FAM43B: variants seen among roughly 807,000 people sequenced by gnomAD.
FAM43B encodes the protein protein FAM43B.
A neutral mutation model predicts 20.1 loss-of-function variants in FAM43B; 17 were observed. The observed-to-expected ratio is 0.84, with a 90% confidence interval of 0.58 to 1.27. The LOEUF (loss-of-function observed/expected upper bound fraction) is 1.27. Among genes scored for constraint, FAM43B ranks in the 50% most tolerant of loss-of-function variants. The probability of loss-of-function intolerance (pLI) is 0.00; values close to 1 mark genes in which losing one functional copy is unlikely to be tolerated. For missense variants in FAM43B, 512 were observed against 516.7 expected (o/e 0.99, Z 0.09); for synonymous variants, 208 against 238.5 (o/e 0.87, Z 1.18).
chr1:20,553,469 C>A lies in FAM43B; in HGVS notation c.496C>A (p.Gln166Lys). The change falls in exon 1 of 1, where the codon CAG becomes AAG. Residue 166 changes from glutamine (Q) to lysine (K), a missense_variant. Physicochemically the swap from Gln to Lys is moderately conservative, Grantham distance 53. Coordinates refer to ENST00000332947, the MANE Select transcript of FAM43B (RefSeq NM_207334.3). The surrounding 1 kb of genome is among the most constrained non-coding windows in gnomAD (Gnocchi z 6.5). The part of the protein sequence containing the change: ...PRVFAWVYRH[Q>K]ARHKAVVLRC... Reference sequence around the variant, plus strand: ...CGTCTTCGCCTGGGTCTACCGCCACCAGGCGCGCCACAAGGCCGTGGTGCT... The same window carrying A: ...CGTCTTCGCCTGGGTCTACCGCCACAAGGCGCGCCACAAGGCCGTGGTGCT... 2.8e-6 allele frequency: 4 copies of A among 1,410,098 alleles called. No homozygotes were observed. Among genetic ancestry groups the A allele is most frequent in the South Asian group, 1.5e-5 (1 of 64,644 alleles). The allele number at this position is 1,410,098 out of a possible 1,614,324, so 87.3% of individuals were successfully genotyped here. A position where few individuals can be genotyped will look rare whatever the true frequency, so the allele number is the denominator to read the frequency against.
Position 20,554,248 on chromosome 1 carries a change from T to G in FAM43B, c.*285T>G. On this transcript the variant is annotated 3_prime_UTR_variant, in exon 1 of 1. Transcript: ENST00000332947. ...TCTCTTTGCCCACAGACCTCCTCAT[T>G]CCCTCCCAAAACATCCTCTCAAGAG... 4.2e-6 allele frequency: 1 copy of G among 239,388 alleles called. No individual in the cohort carries two copies. The highest frequency in any genetic ancestry group is 1.5e-3 in the Middle Eastern group (1 of 676). The allele number at this position is 239,388 out of a possible 1,614,324, so 14.8% of individuals were successfully genotyped here. A position where few individuals can be genotyped will look rare whatever the true frequency, so the allele number is the denominator to read the frequency against.
In FAM43B at chr1:20,553,210, C is replaced by T. The variant is rs1377707242; in HGVS notation, c.237C>T (p.Asn79=). Residue 79 remains asparagine (N), a synonymous_variant, in exon 1 of 1, where the codon AAC becomes AAT. Coordinates refer to ENST00000332947, the MANE Select transcript of FAM43B (RefSeq NM_207334.3). The surrounding 1 kb of genome is among the most constrained non-coding windows in gnomAD (Gnocchi z 6.5). ...CCTACACCGTGTGGTACCTGGGCAA[C>T]GCCGTCACCCTGCACGCCAAGGGCG... ...DPTYTVWYLG[N]AVTLHAKGDG... is the part of the protein sequence containing the mutation. 6.2e-7 allele frequency: 1 copy of T among 1,613,462 alleles called. No homozygotes were observed. The highest frequency in any genetic ancestry group is 8.5e-7 in the Non-Finnish European group (1 of 1,179,878).
Position 20,553,524 on chromosome 1 carries a change from C to A in FAM43B, c.551C>A (p.Ala184Glu). 7.5e-7 allele frequency: 1 copy of A among 1,333,832 alleles called. No individual in the cohort carries two copies. Among genetic ancestry groups the A allele is most frequent in the Non-Finnish European group, 9.5e-7 (1 of 1,048,840 alleles). 82.6% of individuals were successfully genotyped at this position (1,333,832 alleles called of 1,614,324 possible). The change falls in exon 1 of 1, where the codon GCG (alanine) becomes GAG (glutamate). Residue 184 changes from alanine (A) to glutamate (E), a missense_variant. Coordinates refer to ENST00000332947, the MANE Select transcript of FAM43B (RefSeq NM_207334.3). The surrounding 1 kb of genome is among the most constrained non-coding windows in gnomAD (Gnocchi z 6.5). The part of the protein sequence containing the change: ...LRCHAVLLAR[A>E]HKARALARLL... Reference sequence around the variant, plus strand: ...TGCCACGCTGTGCTGCTGGCGCGGGCGCACAAGGCGCGCGCCCTGGCCCGC... The same window carrying A: ...TGCCACGCTGTGCTGCTGGCGCGGGAGCACAAGGCGCGCGCCCTGGCCCGC...
chr1:20,552,947 C>T lies in FAM43B; in HGVS notation c.-27C>T. 4 of 1,610,030 alleles carry T rather than the reference C, an allele frequency of 2.5e-6. No individual in the cohort carries two copies. Among genetic ancestry groups the T allele is most frequent in the Non-Finnish European group, 3.4e-6 (4 of 1,178,834 alleles). On this transcript the variant is annotated 5_prime_UTR_variant, in exon 1 of 1. Coordinates refer to ENST00000332947, the MANE Select transcript of FAM43B (RefSeq NM_207334.3). Reference sequence around the variant, plus strand: ...ACAGGACGCCGGTGAGCTCCCTGCGCCCCCAGCCCCTTTCGCCGCCGCCGC... The same window carrying T: ...ACAGGACGCCGGTGAGCTCCCTGCGTCCCCAGCCCCTTTCGCCGCCGCCGC...
chr1:20,553,397 C>G lies in FAM43B; in HGVS notation c.424C>G (p.Leu142Val). Reference protein sequence around the residue: ...SGGRRPAHAYLLPRITYCTAD... With the variant: ...SGGRRPAHAYVLPRITYCTAD... Reference sequence around the variant, plus strand: ...GGGCCGCAGGCCGGCGCACGCCTACCTGCTGCCGCGCATCACCTACTGCAC... The same window carrying G: ...GGGCCGCAGGCCGGCGCACGCCTACGTGCTGCCGCGCATCACCTACTGCAC... The change falls in exon 1 of 1, where the codon CTG (leucine) becomes GTG (valine). Residue 142 changes from leucine (L) to valine (V), a missense_variant. By Grantham distance (32) the Leu-to-Val change is conservative. Coordinates refer to ENST00000332947, the MANE Select transcript of FAM43B (RefSeq NM_207334.3). The surrounding 1 kb of genome is among the most constrained non-coding windows in gnomAD (Gnocchi z 6.5). 1.4e-6 allele frequency: 2 copies of G among 1,470,872 alleles called. No individual in the cohort carries two copies. The highest frequency in any genetic ancestry group is 1.8e-6 in the Non-Finnish European group (2 of 1,121,634). 91.1% of individuals were successfully genotyped at this position (1,470,872 alleles called of 1,614,324 possible). A position where few individuals can be genotyped will look rare whatever the true frequency, so the allele number is the denominator to read the frequency against.
In FAM43B at chr1:20,553,280, G is replaced by A. The variant is rs776572256; in HGVS notation, c.307G>A (p.Gly103Arg). The change falls in exon 1 of 1, where the codon GGG becomes AGG. Residue 103 changes from glycine to arginine, a missense_variant. Transcript: ENST00000332947. This position sits in a 1 kb window ranked among gnomAD's most constrained non-coding sequence, Gnocchi z 6.5. ...CGTGGGCAAGATCTGGGCTCGCTGC[G>A]GGCCTGGCGGGGGCACTAAGATGAA... is the stretch of plus-strand genomic sequence containing the variant. ...DAVGKIWARC[G>R]PGGGTKMKLT... 3 of 1,607,416 alleles carry A rather than the reference G, an allele frequency of 1.9e-6. No individual in the cohort carries two copies. In the African/African-American group the frequency reaches 4.0e-5, roughly 21 times the overall value.
chr1:20,554,149 G>A lies in FAM43B; in HGVS notation c.*186G>A. 3.2e-6 allele frequency: 2 copies of A among 619,134 alleles called. No homozygotes were observed. The highest frequency in any genetic ancestry group is 4.6e-6 in the Non-Finnish European group (2 of 437,616). The allele number at this position is 619,134 out of a possible 1,614,324, so 38.4% of individuals were successfully genotyped here. A position where few individuals can be genotyped will look rare whatever the true frequency, so the allele number is the denominator to read the frequency against. On this transcript the variant is annotated 3_prime_UTR_variant, in exon 1 of 1. Transcript: ENST00000332947. Reference sequence around the variant, plus strand: ...CTGATACGCCCTTGGTTATTGGGGGGTGTTCCTCTCTCCCCACACCCGGAG... The same window carrying A: ...CTGATACGCCCTTGGTTATTGGGGGATGTTCCTCTCTCCCCACACCCGGAG...
chr1:20,553,701 A>G lies in FAM43B; in HGVS notation c.728A>G (p.Lys243Arg), dbSNP rs1018866531. The G allele has an allele frequency of 5.5e-6, 8 of 1,444,348 alleles. No homozygotes were observed. The African/African-American group carries it at 1.2e-4, about 21-fold the overall frequency. 89.5% of individuals were successfully genotyped at this position (1,444,348 alleles called of 1,614,324 possible). A position where few individuals can be genotyped will look rare whatever the true frequency, so the allele number is the denominator to read the frequency against. The change falls in exon 1 of 1, where the codon AAG (lysine) becomes AGG (arginine). Residue 243 changes from lysine to arginine, a missense_variant. Transcript: ENST00000332947. The surrounding 1 kb of genome is among the most constrained non-coding windows in gnomAD (Gnocchi z 6.5). ...RAPLRRLLNA[K>R]CAYRPPPSER... ...CCACTGCGCCGCCTGCTCAATGCCA[A>G]GTGCGCCTACCGGCCGCCGCCGAGC...
Position 20,552,960 on chromosome 1 carries a change from TCGC to T in FAM43B, c.-4_-2del. ...GAGCTCCCTGCGCCCCCAGCCCCTT[TCGC>T]CGCCGCCGCGATGCTGCCCTGGAGA... On this transcript the variant is annotated 5_prime_UTR_variant, in exon 1 of 1. Transcript: ENST00000332947. The T allele has an allele frequency of 6.2e-7, 1 of 1,611,938 alleles. No individual in the cohort carries two copies. Among genetic ancestry groups the T allele is most frequent in the Non-Finnish European group, 8.5e-7 (1 of 1,179,482 alleles).
In FAM43B at chr1:20,552,990, G is replaced by T. The variant is rs1482903993; in HGVS notation, c.17G>T (p.Arg6Leu). The T allele has an allele frequency of 1.2e-6, 2 of 1,613,320 alleles. No homozygotes were observed. The highest frequency in any genetic ancestry group is 1.7e-6 in the Non-Finnish European group (2 of 1,179,884). Reference sequence around the variant, plus strand: ...GCCGCCGCGATGCTGCCCTGGAGACGTAACAAATTCGTGCTGGTGGAGGAC... The same window carrying T: ...GCCGCCGCGATGCTGCCCTGGAGACTTAACAAATTCGTGCTGGTGGAGGAC... MLPWR[R>L]NKFVLVEDEA... Residue 6 changes from arginine to leucine, a missense_variant, in exon 1 of 1, where the codon CGT becomes CTT. Physicochemically the swap from Arg to Leu is moderately radical, Grantham distance 102. Coordinates refer to ENST00000332947, the MANE Select transcript of FAM43B (RefSeq NM_207334.3).
Position 20,553,795 on chromosome 1 carries a change from C to T in FAM43B, c.822C>T (p.Asp274=), listed in dbSNP as rs1240980872. 2 of 1,474,098 alleles carry T rather than the reference C, an allele frequency of 1.4e-6. No individual in the cohort carries two copies. Among genetic ancestry groups the T allele is most frequent in the Non-Finnish European group, 9.0e-7 (1 of 1,107,100 alleles). The allele number at this position is 1,474,098 out of a possible 1,614,324, so 91.3% of individuals were successfully genotyped here. Residue 274 remains aspartate, a synonymous_variant, in exon 1 of 1, where the codon GAC becomes GAT. Transcript: ENST00000332947. This position sits in a 1 kb window ranked among gnomAD's most constrained non-coding sequence, Gnocchi z 6.5. ...QEEDEEEEED[D]AEEQEGGVPQ... ...AGGACGAGGAGGAGGAGGAGGACGA[C>T]GCGGAGGAGCAAGAGGGAGGAGTCC...
In FAM43B at chr1:20,553,292, G is replaced by A. The variant is rs766469924; in HGVS notation, c.319G>A (p.Gly107Ser). The change falls in exon 1 of 1, where the codon GGC becomes AGC. Residue 107 changes from glycine to serine, a missense_variant. Gly to Ser is a moderately conservative substitution (Grantham distance 56). Transcript: ENST00000332947. This position sits in a 1 kb window ranked among gnomAD's most constrained non-coding sequence, Gnocchi z 6.5. ...KIWARCGPGG[G>S]TKMKLTLGPH... ...CTGGGCTCGCTGCGGGCCTGGCGGG[G>A]GCACTAAGATGAAGCTGACGCTGGG... 6 of 1,604,048 alleles carry A rather than the reference G, an allele frequency of 3.7e-6. No individual in the cohort carries two copies. Among genetic ancestry groups the A allele is most frequent in the East Asian group, 4.5e-5 (2 of 44,418 alleles).
chr1:20,553,372 G>A lies in FAM43B; in HGVS notation c.399G>A (p.Gly133=), dbSNP rs2101144394. The A allele has an allele frequency of 1.4e-6, 2 of 1,478,710 alleles. No homozygotes were observed. The highest frequency in any genetic ancestry group is 2.9e-5 in the African/African-American group (2 of 68,612). 91.6% of individuals were successfully genotyped at this position (1,478,710 alleles called of 1,614,324 possible). Residue 133 remains glycine, a synonymous_variant, in exon 1 of 1, where the codon GGG becomes GGA. Coordinates refer to ENST00000332947, the MANE Select transcript of FAM43B (RefSeq NM_207334.3). This position sits in a 1 kb window ranked among gnomAD's most constrained non-coding sequence, Gnocchi z 6.5. ...PCERSAAGGS[G]GRRPAHAYLL... ...AGCGCAGCGCCGCCGGGGGTTCGGG[G>A]GGCCGCAGGCCGGCGCACGCCTACC...
chr1:20,552,894 T>A lies in FAM43B; in HGVS notation c.-80T>A, dbSNP rs933864098. 8.7e-5 allele frequency: 132 copies of A among 1,520,852 alleles called. No homozygotes were observed. Among genetic ancestry groups the A allele is most frequent in the Non-Finnish European group, 1.2e-4 (131 of 1,131,360 alleles). 94.2% of individuals were successfully genotyped at this position (1,520,852 alleles called of 1,614,324 possible). A position where few individuals can be genotyped will look rare whatever the true frequency, so the allele number is the denominator to read the frequency against. ...TCGCGACTCCAGGGCGGTGGACTTC[T>A]GCGCGCCTTCCCTCCCCCGGTCTCC... is the stretch of plus-strand genomic sequence containing the variant. On this transcript the variant is annotated 5_prime_UTR_variant, in exon 1 of 1. Transcript: ENST00000332947.
Sources: allele counts gnomAD v4.1 joint callset, GRCh38; gene constraint gnomAD v4.1.1; non-coding constraint Gnocchi (gnomAD v3.1); transcripts MANE v1.5; gene names NCBI Gene and HGNC (gene_info 2026-07-23, HGNC 2026-07-21).